The following FHOD3 variants were observed in gnomAD, a reference collection of about 807,000 sequenced individuals.
FHOD3 encodes the protein FH1/FH2 domain-containing protein 3.
Under a neutral mutation model 173.0 loss-of-function variants are expected in FHOD3, and 90 were observed. The ratio of observed to expected loss-of-function variants is 0.52; its 90% CI spans 0.44 to 0.62. The LOEUF (loss-of-function observed/expected upper bound fraction) is 0.62. Among genes scored for constraint, FHOD3 ranks in the 20% least tolerant of loss-of-function variants. The pLI, the probability that FHOD3 is intolerant of heterozygous loss-of-function variation, is 0.00. For missense variants in FHOD3, 1,945 were observed against 2,034.7 expected, an observed-to-expected ratio of 0.96 and a Z score of 0.85; for synonymous variants, 828 against 823.0, an observed-to-expected ratio of 1.01 and a Z score of -0.10.
At chr18:36,602,565 G>A in intron 7 of FHOD3, 109 bp from the exon 8 acceptor site, 1 of 833,874 alleles carries the variant, frequency 1.2e-6, no homozygotes, top group South Asian at 1.4e-5. Flanking sequence ...TTTGGTGACT[G>A]AAAGACGCTG....
At chr18:36,762,720 T>A (rs2042932771) in intron 27 of FHOD3, among the ~76,000 whole-genome samples, 4 of 151,500 alleles carry the variant, frequency 2.6e-5, no homozygotes, top group East Asian at 1.9e-4. Context: ...TGCTTGAACC[T>A]TGGAGGTGGA....
intron 5 of FHOD3, among the ~76,000 whole-genome samples, chr18:36,550,957 A>G (rs538269519): frequency 1.3e-5 from 2 of 152,178 alleles, no homozygotes; most frequent in Admixed American, 1.3e-4. Context: ...AGTGTTGAAT[A>G]GAAGTGATAA....
intron 2 of FHOD3, among the ~76,000 whole-genome samples, chr18:36,361,307 A>G (rs1941459): frequency 0.11 from 16,820 of 152,046 alleles, 2,318 homozygotes; most frequent in African/African-American, 0.32. Flanking sequence ...GGCCCTGCAC[A>G]CCAGTTCCAG....
rs140985035 is a variant in FHOD3, at chr18:36,642,570, G to A, written c.1197-6746G>A. 3.8e-3 allele frequency among the ~76,000 whole-genome samples: 440 copies of A among 115,788 alleles called. 3 individuals are homozygous for A. Among genetic ancestry groups the A allele is most frequent in the African/African-American group, 0.014 (417 of 29,218 alleles). The allele number at this position is 115,788 out of a possible 152,430, so 76.0% of individuals were successfully genotyped here. ...TGCACTCCAGCCTGGGCAAAAGAGCGAGACTCCGTCTCAAAAAAAAAAAAA... is the reference window on the plus strand; with the variant it reads ...TGCACTCCAGCCTGGGCAAAAGAGCAAGACTCCGTCTCAAAAAAAAAAAAA... On this transcript the variant is annotated intron_variant, in intron 10 of 28. Coordinates refer to ENST00000590592, the MANE Select transcript of FHOD3 (RefSeq NM_001281740.3).
intron 23 of FHOD3, 82 bp downstream of exon 23, chr18:36,744,275 C>A: frequency 6.9e-7 from 1 of 1,455,612 alleles, no homozygotes; most frequent in Non-Finnish European, 9.3e-7. Flanking sequence ...GGAACACGAG[C>A]CCTATTAAGT....
intron 3 of FHOD3, among the ~76,000 whole-genome samples, chr18:36,419,795 C>T (rs1447844920): frequency 5.3e-5 from 8 of 152,190 alleles, no homozygotes; most frequent in African/African-American, 1.9e-4. Context: ...GGGAGGAACA[C>T]AGCTGAAGGG....
At position 36,714,063 on chromosome 18, in the gene FHOD3, A is replaced by G. The variant is rs554909843; in HGVS notation, c.2534-3769A>G. ...GGACTAGGTACGAAAGGAAGAAAAAAAAGTTGAGAAAAGATATATTATGCA... is the reference window on the plus strand; with the variant it reads ...GGACTAGGTACGAAAGGAAGAAAAAGAAGTTGAGAAAAGATATATTATGCA... On this transcript the variant is annotated intron_variant, in intron 18 of 28. Coordinates refer to ENST00000590592, the MANE Select transcript of FHOD3 (RefSeq NM_001281740.3). Among the ~76,000 whole-genome samples, 32 of 152,364 alleles carry G rather than the reference A, an allele frequency of 2.1e-4. 1 individual carries two copies. The highest frequency in any genetic ancestry group is 7.0e-4 in the African/African-American group (29 of 41,596).
intron 9 of FHOD3, among the ~76,000 whole-genome samples, chr18:36,619,057 C>T (rs1027291489): frequency 1.3e-5 from 2 of 152,210 alleles, no homozygotes; most frequent in Non-Finnish European, 2.9e-5. Flanking sequence ...CTTCTGGGAC[C>T]CAAGGCTGCT....
chr18:36,603,059 G>A (rs548715101), intron 8 of FHOD3, among the ~76,000 whole-genome samples: 2 of 152,310 alleles, frequency 1.3e-5, no homozygotes, highest in East Asian at 3.9e-4. Flanking sequence ...TGCCAATTGA[G>A]GATGAGGCAA....
intron 24 of FHOD3, among the ~76,000 whole-genome samples, chr18:36,747,409 C>T (rs1354320481): frequency 2.0e-5 from 3 of 152,166 alleles, no homozygotes; most frequent in African/African-American, 7.2e-5. Context: ...TGTAAGATTT[C>T]TAACAAATTG....
At chr18:36,769,520 T>C in intron 28 of FHOD3, 94 bp downstream of exon 28, 1 of 1,459,032 alleles carries the variant, frequency 6.9e-7, no homozygotes, top group Non-Finnish European at 9.2e-7. Context: ...ACAGCTCCAG[T>C]GAATTGTCAG....
chr18:36,552,445 G>T (rs960809613), intron 5 of FHOD3, among the ~76,000 whole-genome samples: 1 of 151,948 alleles, frequency 6.6e-6, no homozygotes, highest in African/African-American at 2.4e-5. Context: ...TCTGCAAACA[G>T]GGACAATTTG....
intron 14 of FHOD3, among the ~76,000 whole-genome samples, chr18:36,662,849 C>G (rs546628533): frequency 1.3e-5 from 2 of 152,292 alleles, no homozygotes; most frequent in African/African-American, 4.8e-5. Flanking sequence ...CAGATAATAA[C>G]TCCTTATATC....
intron 9 of FHOD3, among the ~76,000 whole-genome samples, chr18:36,624,420 G>A (rs903735): frequency 0.97 from 148,271 of 152,286 alleles, 72,324 homozygotes; most frequent in East Asian, 1. Flanking sequence ...TATTCTTTCT[G>A]CTGTCCAGTT....
intron 8 of FHOD3, among the ~76,000 whole-genome samples, chr18:36,611,567 C>A (rs974627911): frequency 6.6e-5 from 10 of 152,312 alleles, no homozygotes; most frequent in African/African-American, 2.4e-4. Flanking sequence ...TTTTAAAGGG[C>A]CTACCTGATT....
intron 14 of FHOD3, among the ~76,000 whole-genome samples, chr18:36,676,544 C>A (rs866043143): frequency 2.0e-5 from 3 of 152,074 alleles, no homozygotes; most frequent in African/African-American, 7.2e-5. Context: ...TCTAGATAAA[C>A]GTAGAAGTGG....
At chr18:36,430,222 A>G (rs1176842799) in intron 3 of FHOD3, among the ~76,000 whole-genome samples, 4 of 152,130 alleles carry the variant, frequency 2.6e-5, no homozygotes, top group Non-Finnish European at 4.4e-5. Context: ...AATAAGCCAG[A>G]TTTTGTTTTT....
chr18:36,719,028 A>G (rs1295042455), intron 19 of FHOD3, among the ~76,000 whole-genome samples: 1 of 152,250 alleles, frequency 6.6e-6, no homozygotes, highest in Non-Finnish European at 1.5e-5. Context: ...AATAGCAGAT[A>G]TTGATGTTAA....
intron 24 of FHOD3, among the ~76,000 whole-genome samples, chr18:36,753,029 C>A (rs970818447): frequency 6.6e-6 from 1 of 151,848 alleles, no homozygotes; most frequent in East Asian, 1.9e-4. Flanking sequence ...TAGGTAGTGA[C>A]CTGACACAGG....
Sources: allele counts gnomAD v4.1 joint callset (sites outside exome capture counted in the v4.1 genomes callset), GRCh38; gene constraint gnomAD v4.1.1; transcripts MANE v1.5; gene names NCBI Gene and HGNC (gene_info 2026-07-23, HGNC 2026-07-21).